TMEM132B: variants seen among roughly 807,000 people sequenced by gnomAD.
The protein encoded by TMEM132B is transmembrane protein 132B.
A neutral mutation model predicts 90.8 loss-of-function variants in TMEM132B; 18 were observed. The observed-to-expected ratio is 0.20, with a 90% CI of 0.14 to 0.29. The LOEUF is 0.29. Among genes scored for constraint, TMEM132B ranks in the 10% least tolerant of loss-of-function variants. The probability of loss-of-function intolerance (pLI) is 1.00; values close to 1 mark genes in which losing one functional copy is unlikely to be tolerated. For synonymous variants in TMEM132B, 504 were observed against 523.3 expected (o/e 0.96, Z 0.50); for missense variants, 1,096 against 1,326.8 (o/e 0.83, Z 2.70).
At chr12:125,331,154 G>A (rs1048374523) in intron 1 of TMEM132B, among the ~76,000 whole-genome samples, 1 of 152,206 alleles carries the variant, frequency 6.6e-6, no homozygotes, top group Non-Finnish European at 1.5e-5. Context: ...TGGGAGCGGG[G>A]CGGGGACAGC....
At chr12:125,419,153 C>T (rs772574410) in intron 3 of TMEM132B, among the ~76,000 whole-genome samples, 8 of 152,172 alleles carry the variant, frequency 5.3e-5, no homozygotes, top group Non-Finnish European at 1.0e-4. Context: ...AGAGGATAGG[C>T]AAGCAAAAGC....
intron 3 of TMEM132B, among the ~76,000 whole-genome samples, chr12:125,419,830 G>A (rs1880121976): frequency 6.6e-6 from 1 of 152,164 alleles, no homozygotes; most frequent in African/African-American, 2.4e-5. Context: ...ATACAATGAG[G>A]GTATAGGCAT....
At chr12:125,337,101 G>A (rs1876988360) in intron 1 of TMEM132B, among the ~76,000 whole-genome samples, 1 of 152,180 alleles carries the variant, frequency 6.6e-6, no homozygotes, top group African/African-American at 2.4e-5. Context: ...CATGTTGGCT[G>A]AACAGCTCTT....
chr12:125,240,411 T>C (rs569199369), intron 1 of TMEM132B, among the ~76,000 whole-genome samples: 38 of 152,302 alleles, frequency 2.5e-4, no homozygotes, highest in Admixed American at 2.4e-3. Context: ...GCTGACATCT[T>C]ACTGGGACTC....
At chr12:125,395,364 G>C (rs147569319) in intron 2 of TMEM132B, among the ~76,000 whole-genome samples, 1 of 152,144 alleles carries the variant, frequency 6.6e-6, no homozygotes, top group African/African-American at 2.4e-5. Context: ...TCCATAAAAG[G>C]TCAGGTTATT....
intron 1 of TMEM132B, among the ~76,000 whole-genome samples, chr12:125,194,761 C>G (rs1197345506): frequency 6.6e-6 from 1 of 151,852 alleles, no homozygotes; most frequent in African/African-American, 2.4e-5. Context: ...GGAGGGGAAC[C>G]TGTTTTTTGC....
At chr12:125,471,177 T>C (rs1426883361) in intron 3 of TMEM132B, among the ~76,000 whole-genome samples, 2 of 152,172 alleles carry the variant, frequency 1.3e-5, no homozygotes, top group Non-Finnish European at 2.9e-5. Context: ...ATTTGCCGAG[T>C]GGAATATCTC....
intron 2 of TMEM132B, among the ~76,000 whole-genome samples, chr12:125,396,437 G>A (rs1159716519): frequency 2.6e-5 from 4 of 152,178 alleles, no homozygotes; most frequent in Non-Finnish European, 5.9e-5. Context: ...GCCAGGCTCT[G>A]TTCTAAGCAC....
chr12:125,630,092 G>T (rs1329080057), intron 5 of TMEM132B, among the ~76,000 whole-genome samples: 2 of 152,088 alleles, frequency 1.3e-5, no homozygotes, highest in African/African-American at 4.8e-5. Flanking sequence ...GTATTGGCCT[G>T]TAGTTTTCTT....
intron 1 of TMEM132B, among the ~76,000 whole-genome samples, chr12:125,250,447 C>T (rs1410045137): frequency 6.6e-6 from 1 of 152,218 alleles, no homozygotes; most frequent in African/African-American, 2.4e-5. Flanking sequence ...TTGGGACCCT[C>T]GTCCTGGCCC....
chr12:125,336,461 G>A (rs527358995), intron 1 of TMEM132B, among the ~76,000 whole-genome samples: 1 of 152,322 alleles, frequency 6.6e-6, no homozygotes, highest in South Asian at 2.1e-4. Flanking sequence ...CCTGAAGCCA[G>A]CCTATGCCAG....
chr12:125,394,740 G>A (rs1483973265), intron 2 of TMEM132B, among the ~76,000 whole-genome samples: 1 of 152,042 alleles, frequency 6.6e-6, no homozygotes, highest in Admixed American at 6.6e-5. Context: ...AATAAGTCTG[G>A]GGATCATCAT....
At chr12:125,474,257 TCTCCCCTCCCCTCC>T (rs1220461094) in intron 3 of TMEM132B, among the ~76,000 whole-genome samples, 6 of 148,348 alleles carry the variant, frequency 4.0e-5, no homozygotes, top group South Asian at 2.2e-4. Flanking sequence ...CTCCCTTCTT[TCTCCCCTCCCCTCC>T]CTCCCCTCCC....
intron 1 of TMEM132B, among the ~76,000 whole-genome samples, chr12:125,243,709 C>A (rs576859889): frequency 1.3e-5 from 2 of 152,198 alleles, no homozygotes; most frequent in African/African-American, 4.8e-5. Context: ...CCTTTCCCCC[C>A]ATCCCTCTTC....
At chr12:125,507,538 G>A (rs1355454384) in intron 3 of TMEM132B, among the ~76,000 whole-genome samples, 1 of 152,118 alleles carries the variant, frequency 6.6e-6, no homozygotes, top group South Asian at 2.1e-4. Context: ...TCCTGAAGGC[G>A]AGGCCAAGGA....
chr12:125,362,466 A>C (rs1877989601), intron 2 of TMEM132B, among the ~76,000 whole-genome samples: 1 of 152,214 alleles, frequency 6.6e-6, no homozygotes, highest in Non-Finnish European at 1.5e-5. Context: ...CATGGTAAAA[A>C]ACAGTTGACA....
At chr12:125,587,944 G>T (rs557270289) in intron 5 of TMEM132B, 5 of 152,194 alleles carry the variant, frequency 3.3e-5, no homozygotes, top group Admixed American at 6.5e-5. Context: ...TAAGCCTATT[G>T]ATGAGAAGAA....
intron 3 of TMEM132B, among the ~76,000 whole-genome samples, chr12:125,429,495 C>A (rs390907): frequency 2.3e-4 from 35 of 152,072 alleles, no homozygotes; most frequent in African/African-American, 8.0e-4. Flanking sequence ...TGTGAGCCAC[C>A]GTGCCCGGCC....
chr12:125,210,020 T>C (rs1487657980), intron 1 of TMEM132B, among the ~76,000 whole-genome samples: 1 of 152,146 alleles, frequency 6.6e-6, no homozygotes. Flanking sequence ...TGGGGATGTA[T>C]AAATGAACAA....
Sources: allele counts gnomAD v4.1 joint callset (sites outside exome capture counted in the v4.1 genomes callset), GRCh38; gene constraint gnomAD v4.1.1; transcripts MANE v1.5; gene names NCBI Gene and HGNC (gene_info 2026-07-23, HGNC 2026-07-21).